The following SULF2 variants were observed in gnomAD, a reference collection of about 807,000 sequenced individuals.
SULF2 encodes sulfatase 2, also known as extracellular sulfatase Sulf-2.
A neutral mutation model predicts 107.7 loss-of-function variants in SULF2; 52 were observed. That is an observed-to-expected ratio of 0.48 (90% CI 0.39 to 0.61). The LOEUF is 0.61. Among genes scored for constraint, SULF2 ranks in the 20% least tolerant of loss-of-function variants. The pLI is 0.00. For missense variants in SULF2, 993 were observed against 1,177.3 expected (o/e 0.84, Z 2.29); for synonymous variants, 460 against 464.3 (o/e 0.99, Z 0.12).
intron 3 of SULF2, among the ~76,000 whole-genome samples, chr20:47,703,833 A>G (rs1002391418): frequency 6.6e-6 from 1 of 152,244 alleles, no homozygotes; most frequent in African/African-American, 2.4e-5. Flanking sequence ...AACTTGAACG[A>G]AAGACCTAGT....
chr20:47,751,521 G>C (rs1227109497), intron 2 of SULF2, among the ~76,000 whole-genome samples: 1 of 152,188 alleles, frequency 6.6e-6, no homozygotes, highest in African/African-American at 2.4e-5. Flanking sequence ...GCTTGCACCT[G>C]TATGGTGTTC....
intron 14 of SULF2, 38 bp downstream of exon 14, chr20:47,665,161 A>G (rs1171914975): frequency 3.1e-6 from 4 of 1,293,064 alleles, no homozygotes; most frequent in Admixed American, 3.4e-5. Context: ...CCTGTAGGAG[A>G]GTGGGGTCTT....
At chr20:47,740,837 G>A (rs1293630215) in intron 2 of SULF2, among the ~76,000 whole-genome samples, 1 of 152,054 alleles carries the variant, frequency 6.6e-6, no homozygotes, top group Non-Finnish European at 1.5e-5. Flanking sequence ...TCATTCGGCT[G>A]TCGATTAGAC....
At chr20:47,774,260 G>A (rs1034931058) in intron 1 of SULF2, among the ~76,000 whole-genome samples, 4 of 152,258 alleles carry the variant, frequency 2.6e-5, no homozygotes. Flanking sequence ...CAGAGGCTCT[G>A]CGAGCTGAGA....
Position 47,726,420 on chromosome 20 carries a change from G to T in SULF2, c.415+10283C>A, listed in dbSNP as rs1431653935. ...GTAAAGATACAGGTCTTACTATGTT[G>T]CCCAGGCTGGTCTCAAACTCCTGGC... On this transcript the variant is annotated intron_variant, in intron 3 of 20. Transcript: ENST00000688720. Among the ~76,000 whole-genome samples, 3 of 150,138 alleles carry T rather than the reference G, an allele frequency of 2.0e-5. No homozygotes were observed. The East Asian group carries it at 5.9e-4, about 29-fold the overall frequency.
intron 2 of SULF2, among the ~76,000 whole-genome samples, chr20:47,742,856 G>T (rs1401917602): frequency 2.7e-5 from 4 of 150,376 alleles, no homozygotes; most frequent in African/African-American, 4.9e-5. Flanking sequence ...TCTTCTAAAG[G>T]TCTAAGTCAG....
intron 2 of SULF2, among the ~76,000 whole-genome samples, chr20:47,742,397 G>A (rs1341032680): frequency 6.6e-6 from 1 of 152,138 alleles, no homozygotes; most frequent in Non-Finnish European, 1.5e-5. Flanking sequence ...AAACAGACCC[G>A]GTTTCTTTCC....
chr20:47,747,715 A>T (rs2146855880), intron 2 of SULF2, among the ~76,000 whole-genome samples: 1 of 152,002 alleles, frequency 6.6e-6, no homozygotes, highest in South Asian at 2.1e-4. Flanking sequence ...AAGCAACCTA[A>T]TGTCCCCCCC....
intron 4 of SULF2, among the ~76,000 whole-genome samples, chr20:47,691,797 C>T (rs1345138021): frequency 6.6e-6 from 1 of 152,080 alleles, no homozygotes; most frequent in Non-Finnish European, 1.5e-5. Context: ...ACATATTGGG[C>T]AAGAGGAGAG....
intron 2 of SULF2, among the ~76,000 whole-genome samples, chr20:47,746,029 T>C (rs2090027020): frequency 6.6e-6 from 1 of 152,230 alleles, no homozygotes; most frequent in Admixed American, 6.5e-5. Context: ...TGCAAAGACC[T>C]GGCTTTGATG....
rs115881580 is a variant in SULF2, at chr20:47,741,116, T to A, written c.176-4174A>T. On this transcript the variant is annotated intron_variant, in intron 2 of 20. Transcript: ENST00000688720. ...CAGTTGCTTCCTGATTGGACTCCAG[T>A]CACTTATTCCCCACGGTGTAGCCAG... 7.8e-3 allele frequency among the ~76,000 whole-genome samples: 1,192 copies of A among 152,238 alleles called. 25 individuals are homozygous for A. The highest frequency in any genetic ancestry group is 0.027 in the African/African-American group (1,129 of 41,530).
intron 3 of SULF2, among the ~76,000 whole-genome samples, chr20:47,725,247 T>C (rs755772858): frequency 2.0e-5 from 3 of 152,210 alleles, no homozygotes; most frequent in Non-Finnish European, 4.4e-5. Flanking sequence ...AAGTATAATA[T>C]TGCCTCCATT....
chr20:47,664,315 GT>G, intron 14 of SULF2, 126 bp from the exon 15 acceptor site: 1 of 926,508 alleles, frequency 1.1e-6, no homozygotes, highest in South Asian at 1.5e-5. Context: ...TCCTTCTGGG[GT>G]GGTGGTGGGT....
In SULF2 at chr20:47,666,894, A is replaced by G. The variant is rs899603668; in HGVS notation, c.1577-406T>C. The stretch of plus-strand genomic sequence containing the variant: ...CCAGCCAGACACAAAGCGGGCTCGT[A>G]TTGTTACATTCTATTTATAGGAACT... On this transcript the variant is annotated intron_variant, in intron 11 of 20. Coordinates refer to ENST00000688720, the MANE Select transcript of SULF2 (RefSeq NM_001387048.1). This position sits in a 1 kb window ranked among gnomAD's most constrained non-coding sequence, Gnocchi z 5.4. 1.3e-5 allele frequency among the ~76,000 whole-genome samples: 2 copies of G among 152,366 alleles called. No individual in the cohort carries two copies. The highest frequency in any genetic ancestry group is 1.3e-4 in the Admixed American group (2 of 15,306).
At chr20:47,695,688 A>G (rs1033459589) in intron 4 of SULF2, among the ~76,000 whole-genome samples, 1 of 152,206 alleles carries the variant, frequency 6.6e-6, no homozygotes, top group Non-Finnish European at 1.5e-5. Context: ...ACCTGGGCTC[A>G]CTGCAGCCTC....
intron 3 of SULF2, among the ~76,000 whole-genome samples, chr20:47,707,426 G>C (rs4407304): frequency 0.57 from 86,661 of 152,002 alleles, 25,163 homozygotes; most frequent in East Asian, 0.75. Context: ...CACGTGCTTA[G>C]AGGCTCTGGA....
At chr20:47,692,730 C>T (rs374624267) in intron 4 of SULF2, among the ~76,000 whole-genome samples, 1 of 152,210 alleles carries the variant, frequency 6.6e-6, no homozygotes, top group South Asian at 2.1e-4. Context: ...CTGCCTCAGC[C>T]TCCCAAAGTG....
At chr20:47,745,397 AAAAAAAAAAAAAAATATATAT>A (rs1314325911) in intron 2 of SULF2, among the ~76,000 whole-genome samples, 48 of 33,850 alleles carry the variant, frequency 1.4e-3, no homozygotes, top group African/African-American at 7.0e-3. Context: ...AAAAAAAAAA[AAAAAAAAAAAAAAATATATAT>A]ATATATATAT....
At chr20:47,681,582 T>C (rs2087824089) in intron 7 of SULF2, among the ~76,000 whole-genome samples, 1 of 152,186 alleles carries the variant, frequency 6.6e-6, no homozygotes, top group Non-Finnish European at 1.5e-5. Flanking sequence ...CTTCCCTTAC[T>C]TGCTGTAAAC....
Sources: gnomAD v4.1 joint callset for allele counts (sites outside exome capture counted in the v4.1 genomes callset) on GRCh38, gnomAD v4.1.1 for gene constraint, Gnocchi (gnomAD v3.1) non-coding constraint, MANE v1.5 for transcripts, NCBI Gene and HGNC (gene_info 2026-07-23, HGNC 2026-07-21) for gene names.